Variants in ERCC6 observed in about 807,000 individuals in gnomAD.
ERCC6 encodes DNA excision repair protein ERCC-6.
ERCC6 carries 116 observed loss-of-function variants against 158.7 expected under a neutral mutation model. The observed-to-expected ratio is 0.73, with a 90% CI of 0.63 to 0.85. The LOEUF (loss-of-function observed/expected upper bound fraction) is 0.85. ERCC6 is among the 40% of genes least tolerant of loss of function. ERCC6 has a pLI of 0.00. For missense variants in ERCC6, 1,698 were observed against 1,799.4 expected (o/e 0.94, Z 1.02); for synonymous variants, 678 against 659.3 (o/e 1.03, Z -0.43).
rs1837114737 is a variant in ERCC6, at chr10:49,520,179, CCTGACAGTGAT to C, written c.1397+3843_1397+3853del. Among the ~76,000 whole-genome samples, 4 of 152,336 alleles carry C rather than the reference CCTGACAGTGAT, an allele frequency of 2.6e-5. No individual in the cohort carries two copies. In the South Asian group the frequency reaches 8.3e-4, roughly 32 times the overall value. ...CTTATTTCCATCCCTAGCTCCCAAA[CCTGACAGTGAT>C]CAGAGCCATCTGGGAACATTTTTTA... On this transcript the variant is annotated intron_variant, in intron 5 of 20. Coordinates refer to ENST00000355832, the MANE Select transcript of ERCC6 (RefSeq NM_000124.4).
intron 9 of ERCC6, 134 bp from the exon 10 acceptor site, chr10:49,482,997 C>T (rs1276093716): frequency 4.3e-6 from 4 of 924,434 alleles, no homozygotes; most frequent in East Asian, 2.6e-5. Flanking sequence ...CTCTCCAAAA[C>T]ATACACATTT....
At chr10:49,536,957 T>C (rs1209115773) in intron 1 of ERCC6, among the ~76,000 whole-genome samples, 1 of 152,172 alleles carries the variant, frequency 6.6e-6, no homozygotes, top group African/African-American at 2.4e-5. Context: ...AGAAGTCACT[T>C]AGTATCTGGC....
At chr10:49,537,924 G>T (rs1837640934) in intron 1 of ERCC6, among the ~76,000 whole-genome samples, 1 of 152,212 alleles carries the variant, frequency 6.6e-6, no homozygotes, top group Non-Finnish European at 1.5e-5. Context: ...GTTTCACCAC[G>T]TTGGTAAGGC....
At chr10:49,534,346 T>A (rs901241861) in intron 1 of ERCC6, among the ~76,000 whole-genome samples, 7 of 152,176 alleles carry the variant, frequency 4.6e-5, no homozygotes, top group African/African-American at 1.4e-4. Context: ...TAAAGGCACA[T>A]GACCTTTGTC....
At chr10:49,506,947 A>G (rs1017667303) in intron 5 of ERCC6, among the ~76,000 whole-genome samples, 5 of 152,126 alleles carry the variant, frequency 3.3e-5, no homozygotes, top group Admixed American at 6.6e-5. Flanking sequence ...AAATGCTTTC[A>G]AACTACAATA....
intron 3 of ERCC6, among the ~76,000 whole-genome samples, chr10:49,529,188 G>C (rs1293527304): frequency 6.6e-6 from 1 of 152,180 alleles, no homozygotes; most frequent in African/African-American, 2.4e-5. Flanking sequence ...GTGGTACCTG[G>C]TTCATCTTTC....
chr10:49,490,746 T>C (rs544649668), intron 8 of ERCC6, among the ~76,000 whole-genome samples: 2 of 152,336 alleles, frequency 1.3e-5, no homozygotes, highest in East Asian at 1.9e-4. Context: ...TCTGGCATTA[T>C]TATTCTTTTA....
the ERCC6 span, among the ~76,000 whole-genome samples, chr10:49,439,570 C>G: frequency 6.6e-6 from 1 of 152,232 alleles, no homozygotes; most frequent in Admixed American, 6.5e-5. Context: ...TTTCCCCCAT[C>G]CTCTTGGGGA....
the ERCC6 span, among the ~76,000 whole-genome samples, chr10:49,447,252 A>G: frequency 6.6e-6 from 1 of 152,276 alleles, no homozygotes; most frequent in Non-Finnish European, 1.5e-5. Flanking sequence ...ATAGACTGAA[A>G]GCAATATTGA....
intron 5 of ERCC6, chr10:49,517,137 G>C: frequency 6.4e-7 from 1 of 1,571,874 alleles, no homozygotes; most frequent in Non-Finnish European, 8.7e-7. Flanking sequence ...ACGGAAAAAA[G>C]GTATTATTAG....
At chr10:49,497,191 G>C (rs1332088736) in intron 7 of ERCC6, among the ~76,000 whole-genome samples, 1 of 152,214 alleles carries the variant, frequency 6.6e-6, no homozygotes, top group Non-Finnish European at 1.5e-5. Context: ...AGCTCCCCAA[G>C]GAGAGTGGGA....
chr10:49,442,768 G>C, the ERCC6 span, among the ~76,000 whole-genome samples: 3 of 152,130 alleles, frequency 2.0e-5, no homozygotes, highest in Non-Finnish European at 4.4e-5. Context: ...ACCTTCTCAA[G>C]CTGCTCACTG....
At chr10:49,494,835 G>C (rs561373688) in intron 7 of ERCC6, among the ~76,000 whole-genome samples, 1 of 152,282 alleles carries the variant, frequency 6.6e-6, no homozygotes, top group East Asian at 1.9e-4. Flanking sequence ...ATGATTACAA[G>C]GACACCTGGC....
intron 8 of ERCC6, among the ~76,000 whole-genome samples, chr10:49,486,073 A>G (rs1005250097): frequency 6.6e-6 from 1 of 152,222 alleles, no homozygotes; most frequent in African/African-American, 2.4e-5. Context: ...GATATTTTAT[A>G]TTTTAATGGG....
the ERCC6 span, among the ~76,000 whole-genome samples, chr10:49,443,126 A>G: frequency 6.6e-6 from 1 of 152,232 alleles, no homozygotes. Flanking sequence ...ATTTAACAGA[A>G]CAGACATTGA....
intron 7 of ERCC6, among the ~76,000 whole-genome samples, chr10:49,494,631 C>T (rs1564427992): frequency 6.6e-6 from 1 of 152,174 alleles, no homozygotes; most frequent in Non-Finnish European, 1.5e-5. Context: ...AAGCAGGAAT[C>T]CTGGCTCATC....
intron 8 of ERCC6, among the ~76,000 whole-genome samples, chr10:49,487,445 C>T (rs572057854): frequency 1.7e-4 from 26 of 152,300 alleles, no homozygotes; most frequent in Admixed American, 3.3e-4. Context: ...CAGCAATAAA[C>T]GCCTTGGGGT....
chr10:49,477,202 A>C (rs547810885), intron 11 of ERCC6, among the ~76,000 whole-genome samples: 31 of 152,218 alleles, frequency 2.0e-4, no homozygotes, highest in African/African-American at 7.0e-4. Context: ...ATGAAAATCA[A>C]ACCTGAACCT....
chr10:49,493,280 A>G (rs377708874), intron 7 of ERCC6, 28 bp from the exon 8 acceptor site: 22 of 1,613,782 alleles, frequency 1.4e-5, no homozygotes, highest in Non-Finnish European at 1.8e-5. Flanking sequence ...AGAAGAAAAC[A>G]ACCATGAAAG....
Sources: gnomAD v4.1 joint callset for allele counts (sites outside exome capture counted in the v4.1 genomes callset) on GRCh38, gnomAD v4.1.1 for gene constraint, MANE v1.5 for transcripts, NCBI Gene and HGNC (gene_info 2026-07-23, HGNC 2026-07-21) for gene names.